Variants in ANTXR2 observed in about 807,000 individuals in gnomAD.
The protein encoded by ANTXR2 is ANTXR cell adhesion molecule 2, also known as anthrax toxin receptor 2.
A neutral mutation model predicts 73.7 loss-of-function variants in ANTXR2; 44 were observed. The ratio of observed to expected loss-of-function variants is 0.60; its 90% CI spans 0.47 to 0.77. ANTXR2 has a LOEUF of 0.77. Among genes scored for constraint, ANTXR2 ranks in the 30% least tolerant of loss-of-function variants. The pLI, the probability that ANTXR2 is intolerant of heterozygous loss-of-function variation, is 0.00. For missense variants in ANTXR2, 604 were observed against 592.5 expected (o/e 1.02, Z -0.20); for synonymous variants, 217 against 205.9 (o/e 1.05, Z -0.46).
At chr4:80,056,126 G>A in intron 3 of ANTXR2, 113 bp from the exon 4 acceptor site, 1 of 616,268 alleles carries the variant, frequency 1.6e-6, no homozygotes, top group South Asian at 3.0e-5. Flanking sequence ...AGGAAGCAGA[G>A]GAAAGAACAT....
chr4:79,903,119 A>C lies in ANTXR2; in HGVS notation c.*4310T>G, dbSNP rs1046466185. 2 of 151,472 alleles carry C rather than the reference A, an allele frequency of 1.3e-5. No homozygotes were observed. The highest frequency in any genetic ancestry group is 2.9e-5 in the Non-Finnish European group (2 of 68,002). 9.4% of individuals were successfully genotyped at this position (151,472 alleles called of 1,614,324 possible). A position where few individuals can be genotyped will look rare whatever the true frequency, so the allele number is the denominator to read the frequency against. The stretch of plus-strand genomic sequence containing the variant: ...AGCCCAGACCATGCCATTGAACTCC[A>C]GCCTGGGTGACAGAGTGAGACTCTG... On this transcript the variant is annotated 3_prime_UTR_variant, in exon 17 of 17. Transcript: ENST00000403729.
intron 16 of ANTXR2, 23 bp downstream of exon 16, chr4:79,977,598 T>G: frequency 6.4e-7 from 1 of 1,560,972 alleles, no homozygotes; most frequent in East Asian, 2.4e-5. Context: ...TAGCTCTTTC[T>G]CAATACATTC....
intron 16 of ANTXR2, among the ~76,000 whole-genome samples, chr4:79,962,426 A>C (rs1418697306): frequency 2.6e-5 from 4 of 152,180 alleles, no homozygotes; most frequent in South Asian, 2.1e-4. Context: ...ATGGAATATG[A>C]TGGTATTTTA....
At chr4:79,935,779 T>C (rs1184654421) in intron 16 of ANTXR2, among the ~76,000 whole-genome samples, 1 of 152,230 alleles carries the variant, frequency 6.6e-6, no homozygotes, top group African/African-American at 2.4e-5. Flanking sequence ...GAATTAGCAA[T>C]GGTTAGCTCT....
At chr4:79,962,670 A>C (rs553234857) in intron 16 of ANTXR2, among the ~76,000 whole-genome samples, 1 of 152,322 alleles carries the variant, frequency 6.6e-6, no homozygotes, top group East Asian at 1.9e-4. Context: ...GAATAGAAAT[A>C]CATGGGCATT....
chr4:80,016,457 T>C (rs764414759), intron 11 of ANTXR2, among the ~76,000 whole-genome samples: 45 of 152,312 alleles, frequency 3.0e-4, no homozygotes, highest in Non-Finnish European at 4.9e-4. Context: ...CTGGTACTCT[T>C]TCCCTTCTTG....
intron 16 of ANTXR2, among the ~76,000 whole-genome samples, chr4:79,955,838 A>T (rs1728866735): frequency 6.6e-6 from 1 of 152,166 alleles, no homozygotes; most frequent in Middle Eastern, 3.2e-3. Flanking sequence ...TATGCCACCA[A>T]GGGCTATAGG....
intron 2 of ANTXR2, 78 bp downstream of exon 2, chr4:80,071,505 T>C (rs1192840536): frequency 1.6e-6 from 2 of 1,271,708 alleles, no homozygotes; most frequent in East Asian, 2.3e-5. Context: ...GTTTTTCCTA[T>C]AAAAGGTTTC....
intron 10 of ANTXR2, among the ~76,000 whole-genome samples, chr4:80,028,475 T>C (rs917770269): frequency 6.6e-6 from 1 of 152,106 alleles, no homozygotes; most frequent in Admixed American, 6.6e-5. Context: ...AAAGAACGGA[T>C]AGAGCAGGCT....
At chr4:80,069,619 G>C (rs1386991713) in intron 2 of ANTXR2, 112 bp from the exon 3 acceptor site, 2 of 767,092 alleles carry the variant, frequency 2.6e-6, no homozygotes, top group Non-Finnish European at 4.2e-6. Context: ...AATGGTCCAG[G>C]CTTCTTTTAA....
intron 7 of ANTXR2, among the ~76,000 whole-genome samples, chr4:80,044,061 C>T (rs1039858083): frequency 2.0e-5 from 3 of 151,884 alleles, no homozygotes; most frequent in Non-Finnish European, 4.4e-5. Flanking sequence ...GACAAATACT[C>T]CAAGAATCCA....
chr4:80,037,453 CAT>C (rs1326685950), intron 7 of ANTXR2, among the ~76,000 whole-genome samples: 2 of 152,098 alleles, frequency 1.3e-5, no homozygotes, highest in African/African-American at 4.8e-5. Context: ...CAACTTTTCA[CAT>C]AGTGATTGAG....
chr4:80,031,864 T>A (rs561900963), intron 9 of ANTXR2, among the ~76,000 whole-genome samples, 172 bp from the exon 10 acceptor site: 58 of 151,834 alleles, frequency 3.8e-4, no homozygotes, highest in African/African-American at 1.3e-3. Context: ...GGAAAGAGAT[T>A]ATATGCTCCA....
At chr4:79,981,847 G>C (rs1287036183) in intron 14 of ANTXR2, among the ~76,000 whole-genome samples, 1 of 152,140 alleles carries the variant, frequency 6.6e-6, no homozygotes, top group Non-Finnish European at 1.5e-5. Context: ...TTTATTACAA[G>C]TTGGCTGCGG....
intron 7 of ANTXR2, among the ~76,000 whole-genome samples, chr4:80,049,944 AG>A: frequency 6.6e-6 from 1 of 151,714 alleles, no homozygotes. Flanking sequence ...CTGGAGGTTT[AG>A]CCCCACCCTG....
In ANTXR2 at chr4:80,070,930, T is replaced by A. The variant is rs1056588534; in HGVS notation, c.224+653A>T. ...CTAGTGTCCTGAGGTTATTTTTAAA[T>A]AGGAGATGCCACTAATTCCTAGTTA... On this transcript the variant is annotated intron_variant, in intron 2 of 16. Coordinates refer to ENST00000403729, the MANE Select transcript of ANTXR2 (RefSeq NM_058172.6). Among the ~76,000 whole-genome samples, 5 of 152,254 alleles carry A rather than the reference T, an allele frequency of 3.3e-5. No homozygotes were observed. In the South Asian group the frequency reaches 1.0e-3, roughly 32 times the overall value.
intron 12 of ANTXR2, among the ~76,000 whole-genome samples, chr4:79,992,089 C>T (rs936036048): frequency 5.9e-5 from 9 of 152,084 alleles, no homozygotes; most frequent in Admixed American, 2.0e-4. Flanking sequence ...CAATCCTGTA[C>T]ATGTACCCCT....
chr4:80,067,856 G>A (rs1047022145), intron 3 of ANTXR2, among the ~76,000 whole-genome samples: 1 of 152,200 alleles, frequency 6.6e-6, no homozygotes, highest in African/African-American at 2.4e-5. Flanking sequence ...AGGGGTGCAG[G>A]GGAGAAAGAG....
intron 12 of ANTXR2, among the ~76,000 whole-genome samples, chr4:80,006,166 T>C (rs1007155596): frequency 1.3e-5 from 2 of 152,146 alleles, no homozygotes; most frequent in African/African-American, 4.8e-5. Flanking sequence ...GTTTCTACTG[T>C]TCTTTACACA....
Sources: allele counts gnomAD v4.1 joint callset (sites outside exome capture counted in the v4.1 genomes callset), GRCh38; gene constraint gnomAD v4.1.1; transcripts MANE v1.5; gene names NCBI Gene and HGNC (gene_info 2026-07-23, HGNC 2026-07-21).